Variants in CPD observed in about 807,000 individuals in gnomAD.
CPD encodes the protein carboxypeptidase D.
Under a neutral mutation model 138.3 loss-of-function variants are expected in CPD, and 69 were observed. That is an observed-to-expected ratio of 0.50 (90% CI 0.41 to 0.61). The LOEUF (loss-of-function observed/expected upper bound fraction) is 0.61, where lower values mean the gene tolerates loss of function less well. Among genes scored for constraint, CPD ranks in the 20% least tolerant of loss-of-function variants. The probability of loss-of-function intolerance (pLI) is 0.00; values close to 1 mark genes in which losing one functional copy is unlikely to be tolerated. For missense variants in CPD, 1,432 were observed against 1,733.3 expected (o/e 0.83, Z 3.09); for synonymous variants, 651 against 642.1 (o/e 1.01, Z -0.21).
Position 30,449,636 on chromosome 17 carries a change from A to T in CPD, c.2957A>T (p.Lys986Met). The T allele has an allele frequency of 1.9e-6, 3 of 1,610,814 alleles. No homozygotes were observed. Among genetic ancestry groups the T allele is most frequent in the Non-Finnish European group, 2.5e-6 (3 of 1,179,376 alleles). ...AATGTATCTGAGCCTGAAGAACCAAAGATTCGTTTTGTTGCTGGTATCCAT... is the reference window on the plus strand; with the variant it reads ...AATGTATCTGAGCCTGAAGAACCAATGATTCGTTTTGTTGCTGGTATCCAT... ...KPNVSEPEEP[K>M]IRFVAGIHGN... The change falls in exon 13 of 21, where the codon AAG (lysine) becomes ATG (methionine). Residue 986 changes from lysine to methionine, a missense_variant. Around this residue, in one of 6 missense-constraint regions of CPD, gnomAD observed 366 missense variants for 518.8 expected, o/e 0.71. Coordinates refer to ENST00000225719, the MANE Select transcript of CPD (RefSeq NM_001304.5).
chr17:30,382,408 C>G (rs7222059), intron 1 of CPD, among the ~76,000 whole-genome samples: 94,294 of 152,022 alleles, frequency 0.62, 30,699 homozygotes, highest in East Asian at 0.83. Flanking sequence ...AGAAACATTT[C>G]AGAGAATTGA....
chr17:30,458,408 C>G (rs1913358916), intron 17 of CPD, among the ~76,000 whole-genome samples: 1 of 152,298 alleles, frequency 6.6e-6, no homozygotes, highest in African/African-American at 2.4e-5. Flanking sequence ...GTTATCCTAT[C>G]TAAGGATCTG....
intron 6 of CPD, among the ~76,000 whole-genome samples, chr17:30,425,216 CCTCCATCAGGTTAAA>C (rs1912372001): frequency 6.6e-6 from 1 of 152,182 alleles, no homozygotes; most frequent in Non-Finnish European, 1.5e-5. Flanking sequence ...TGAACTTTCT[CCTCCATCAGGTTAAA>C]CTTCCAGCTG....
chr17:30,406,911 C>T (rs1911815759), intron 2 of CPD, among the ~76,000 whole-genome samples: 2 of 152,028 alleles, frequency 1.3e-5, no homozygotes, highest in African/African-American at 4.8e-5. Flanking sequence ...GTTTGCTGCA[C>T]CCATCAGCTT....
intron 2 of CPD, among the ~76,000 whole-genome samples, chr17:30,396,664 A>G (rs905384786): frequency 1.1e-4 from 16 of 152,212 alleles, no homozygotes; most frequent in Non-Finnish European, 2.9e-5. Flanking sequence ...AGATCACTTG[A>G]TCAGAAGATT....
At chr17:30,400,824 ATTTTTTT>A (rs778290874) in intron 2 of CPD, among the ~76,000 whole-genome samples, 2 of 125,786 alleles carry the variant, frequency 1.6e-5, no homozygotes, top group African/African-American at 2.9e-5. Flanking sequence ...CGCCCGGTTA[ATTTTTTT>A]TTTTTTTTTT....
chr17:30,444,088 C>T (rs900640437), intron 11 of CPD, 117 bp downstream of exon 11: 8 of 1,005,962 alleles, frequency 8.0e-6, no homozygotes, highest in East Asian at 2.5e-5. Context: ...TGGATTGCTG[C>T]GAAGTTTAGG....
At chr17:30,424,480 G>C (rs1283557202) in intron 6 of CPD, among the ~76,000 whole-genome samples, 1 of 152,204 alleles carries the variant, frequency 6.6e-6, no homozygotes, top group African/African-American at 2.4e-5. Context: ...GTCAAGAGGA[G>C]GGAATCTGTT....
chr17:30,422,801 A>G lies in CPD; in HGVS notation c.1435A>G (p.Thr479Ala). ...GACAGAGGCTGTATCAACTGCTAGCACAGTTGCTATACCTAATATTCTTTC... is the reference window on the plus strand; with the variant it reads ...GACAGAGGCTGTATCAACTGCTAGCGCAGTTGCTATACCTAATATTCTTTC... ...DTTEAVSTAS[T>A]VAIPNILSGT... The change falls in exon 5 of 21, where the codon ACA becomes GCA. Residue 479 changes from threonine to alanine, a missense_variant. Thr to Ala is a moderately conservative substitution (Grantham distance 58). This residue lies in a region of CPD where 160 missense variants were observed against 197.9 expected (regional missense o/e 0.81). Coordinates refer to ENST00000225719, the MANE Select transcript of CPD (RefSeq NM_001304.5). 1.9e-6 allele frequency: 3 copies of G among 1,613,918 alleles called. No homozygotes were observed. In the South Asian group the frequency reaches 3.3e-5, roughly 18 times the overall value.
At chr17:30,417,044 G>A (rs1912126917) in intron 2 of CPD, among the ~76,000 whole-genome samples, 1 of 151,580 alleles carries the variant, frequency 6.6e-6, no homozygotes, top group Admixed American at 6.6e-5. Context: ...GGAGGTTGCA[G>A]TGAGCCGAGA....
At chr17:30,445,348 C>T (rs889982401) in intron 11 of CPD, among the ~76,000 whole-genome samples, 3 of 151,838 alleles carry the variant, frequency 2.0e-5, no homozygotes, top group African/African-American at 7.3e-5. Flanking sequence ...ACCTGCAATC[C>T]CAGCTACTCA....
intron 6 of CPD, among the ~76,000 whole-genome samples, chr17:30,426,195 G>T (rs182495704): frequency 0.013 from 1,377 of 106,362 alleles, 16 homozygotes; most frequent in Non-Finnish European, 0.019. Context: ...GCGAGGCTCC[G>T]TCTCAAAAAA....
At chr17:30,414,819 G>C (rs878974088) in intron 2 of CPD, among the ~76,000 whole-genome samples, 5 of 152,170 alleles carry the variant, frequency 3.3e-5, no homozygotes, top group Admixed American at 6.6e-5. Context: ...GAAAGACTGT[G>C]GGTGGAGCAG....
chr17:30,450,463 C>A lies in CPD; in HGVS notation c.3069+715C>A, dbSNP rs564909572. Among the ~76,000 whole-genome samples the A allele has an allele frequency of 2.0e-5, 3 of 152,226 alleles. No individual in the cohort carries two copies. In the East Asian group the frequency reaches 5.8e-4, roughly 29 times the overall value. On this transcript the variant is annotated intron_variant, in intron 13 of 20. Coordinates refer to ENST00000225719, the MANE Select transcript of CPD (RefSeq NM_001304.5). ...AAGCCTAGTTTTTCAGTATAGTTTT[C>A]TTTTTCATGTAATACATAAAAAATT... is the stretch of plus-strand genomic sequence containing the variant.
chr17:30,415,311 C>T (rs1912076324), intron 2 of CPD, among the ~76,000 whole-genome samples: 1 of 152,192 alleles, frequency 6.6e-6, no homozygotes, highest in Non-Finnish European at 1.5e-5. Context: ...ATGATCTTGA[C>T]AGAATGAAGG....
In CPD at chr17:30,432,426, G is replaced by A. The variant is rs1023312038; in HGVS notation, c.2127+545G>A. 2.0e-5 allele frequency among the ~76,000 whole-genome samples: 3 copies of A among 152,054 alleles called. No individual in the cohort carries two copies. The South Asian group carries it at 6.2e-4, about 31-fold the overall frequency. ...TGCATCTAAAAAGTCTGAAATATTT[G>A]CTTTCTGGTTTTTTACAGGAAAAAA... On this transcript the variant is annotated intron_variant, in intron 8 of 20. Coordinates refer to ENST00000225719, the MANE Select transcript of CPD (RefSeq NM_001304.5).
At chr17:30,431,948 T>C in intron 8 of CPD, 67 bp downstream of exon 8, 1 of 1,121,304 alleles carries the variant, frequency 8.9e-7, no homozygotes, top group Admixed American at 2.2e-5. Flanking sequence ...TGCTTTAAAG[T>C]CCTGCAAGAC....
chr17:30,458,596 G>A (rs1422597012), intron 17 of CPD, among the ~76,000 whole-genome samples: 1 of 152,178 alleles, frequency 6.6e-6, no homozygotes, highest in Admixed American at 6.5e-5. Context: ...GCTTGGCACG[G>A]TGGCTCAGGC....
At chr17:30,444,364 C>T (rs1395797745) in intron 11 of CPD, among the ~76,000 whole-genome samples, 1 of 151,984 alleles carries the variant, frequency 6.6e-6, no homozygotes, top group Non-Finnish European at 1.5e-5. Context: ...GAAATGTGTT[C>T]AAGATAGTTT....
Sources: allele counts gnomAD v4.1 joint callset (sites outside exome capture counted in the v4.1 genomes callset), GRCh38; gene constraint gnomAD v4.1.1; regional missense constraint gnomAD v4.1.1; transcripts MANE v1.5; gene names NCBI Gene and HGNC (gene_info 2026-07-23, HGNC 2026-07-21).